Variants in RAB5B observed in about 807,000 individuals in gnomAD.
RAB5B encodes ras-related protein Rab-5B.
In RAB5B, 11 loss-of-function variants were observed where a neutral mutation model predicts 28.6. The ratio of observed to expected loss-of-function variants is 0.38; its 90% CI spans 0.24 to 0.64. RAB5B has a LOEUF of 0.64. RAB5B is among the 30% of genes least tolerant of loss of function. The pLI is 0.53. For synonymous variants in RAB5B, 93 were observed against 97.9 expected (o/e 0.95, Z 0.29); for missense variants, 169 against 265.6 (o/e 0.64, Z 2.53).
At chr12:55,984,979 ATATT>A (rs1199637036) in intron 1 of RAB5B, among the ~76,000 whole-genome samples, 7 of 152,298 alleles carry the variant, frequency 4.6e-5, no homozygotes, top group East Asian at 1.9e-4. Context: ...TAGTAGCTTA[ATATT>A]TATTTAGCAC....
In RAB5B at chr12:55,992,004, TC is replaced by T. The variant is rs1307181113; in HGVS notation, c.533-89del. On this transcript the variant is annotated intron_variant, in intron 5 of 5. Coordinates refer to ENST00000360299, the MANE Select transcript of RAB5B (RefSeq NM_002868.4). ...TTTTAATCTCTCAAATTCTCCCTTTTCCCCAATTCAGTAGCCGTTTTTGGCG... is the reference window on the plus strand; with the variant it reads ...TTTTAATCTCTCAAATTCTCCCTTTTCCCAATTCAGTAGCCGTTTTTGGCG... 10 of 847,868 alleles carry T rather than the reference TC, an allele frequency of 1.2e-5. No homozygotes were observed. The East Asian group carries it at 2.5e-4, about 21-fold the overall frequency. The allele number at this position is 847,868 out of a possible 1,614,324, so 52.5% of individuals were successfully genotyped here. A position where few individuals can be genotyped will look rare whatever the true frequency, so the allele number is the denominator to read the frequency against.
chr12:55,974,613 A>C (rs59555216), intron 1 of RAB5B, among the ~76,000 whole-genome samples: 88 of 152,296 alleles, frequency 5.8e-4, no homozygotes, highest in African/African-American at 2.1e-3. Flanking sequence ...GTTGGGTAAG[A>C]AGCGTTCTTT....
At chr12:55,991,279 C>G (rs1890110499) in intron 4 of RAB5B, 81 bp from the exon 5 acceptor site, 2 of 1,074,430 alleles carry the variant, frequency 1.9e-6, no homozygotes, top group Admixed American at 1.8e-5. Context: ...TTTTGCCTAG[C>G]TGTTGTGCTG....
chr12:55,977,840 G>A (rs1889688544), intron 1 of RAB5B, among the ~76,000 whole-genome samples: 1 of 152,216 alleles, frequency 6.6e-6, no homozygotes, highest in African/African-American at 2.4e-5. Flanking sequence ...TGTAGCTTCT[G>A]TTCAGGGACA....
intron 3 of RAB5B, 180 bp downstream of exon 3, chr12:55,990,278 C>G (rs35108074): frequency 0.073 from 45,740 of 624,374 alleles, 1,970 homozygotes; most frequent in Non-Finnish European, 0.083. Context: ...CGTGGTGGTG[C>G]GCGCCTGTAG....
intron 1 of RAB5B, among the ~76,000 whole-genome samples, chr12:55,985,335 C>T (rs189474026): frequency 5.8e-4 from 88 of 152,228 alleles, no homozygotes; most frequent in Non-Finnish European, 1.1e-3. Context: ...AATGATGTTT[C>T]CCCACATATG....
rs1015820220 is a variant in RAB5B, at chr12:55,981,028, G to A, written c.-92-5841G>A. Reference sequence around the variant, plus strand: ...ACTTGAAGAGGTGGTCGTAGGCTTTGGCCATGGCGGACACCGGGGGAGCCG... The same window carrying A: ...ACTTGAAGAGGTGGTCGTAGGCTTTAGCCATGGCGGACACCGGGGGAGCCG... On this transcript the variant is annotated intron_variant, in intron 1 of 5. Coordinates refer to ENST00000360299, the MANE Select transcript of RAB5B (RefSeq NM_002868.4). The A allele has an allele frequency of 2.0e-5, 33 of 1,613,614 alleles. 1 individual carries two copies. Among genetic ancestry groups the A allele is most frequent in the East Asian group, 1.1e-4 (5 of 44,896 alleles).
At chr12:55,985,273 A>G (rs1028885912) in intron 1 of RAB5B, among the ~76,000 whole-genome samples, 4 of 152,168 alleles carry the variant, frequency 2.6e-5, no homozygotes, top group African/African-American at 9.7e-5. Context: ...GGGGTTACTG[A>G]AAATTTTTAA....
intron 1 of RAB5B, among the ~76,000 whole-genome samples, chr12:55,984,952 A>G (rs1565787453): frequency 6.6e-6 from 1 of 152,208 alleles, no homozygotes; most frequent in Non-Finnish European, 1.5e-5. Flanking sequence ...TTCTCTTTAT[A>G]TCATATTAGT....
Position 55,976,669 on chromosome 12 carries a change from T to C in RAB5B, c.-93+2530T>C, listed in dbSNP as rs188865719. Among the ~76,000 whole-genome samples the C allele has an allele frequency of 2.6e-3, 402 of 152,306 alleles. 3 individuals are homozygous for C. Among genetic ancestry groups the C allele is most frequent in the Admixed American group, 4.5e-3 (69 of 15,304 alleles). On this transcript the variant is annotated intron_variant, in intron 1 of 5. Transcript: ENST00000360299. ...CCCCTGTATTTGTCTTTCTTTTCTTTTCTTCTATTTTTAGAGACAGGGTCT... is the reference window on the plus strand; with the variant it reads ...CCCCTGTATTTGTCTTTCTTTTCTTCTCTTCTATTTTTAGAGACAGGGTCT...
At chr12:55,978,237 C>T (rs34273234) in intron 1 of RAB5B, among the ~76,000 whole-genome samples, 11,350 of 152,224 alleles carry the variant, frequency 0.075, 470 homozygotes, top group Non-Finnish European at 0.081. Flanking sequence ...CGGTGGCATG[C>T]GCCTGTAATC....
At position 55,992,272 on chromosome 12, in the gene RAB5B, T is replaced by C; in HGVS notation, c.*60T>C. ...CACAAGAGCTAAGAAATAACCTCCA[T>C]CCCTACCCCTCAGCACACAACCCCT... is the stretch of plus-strand genomic sequence containing the variant. On this transcript the variant is annotated 3_prime_UTR_variant, in exon 6 of 6. Transcript: ENST00000360299. 9 of 1,388,682 alleles carry C rather than the reference T, an allele frequency of 6.5e-6. No homozygotes were observed. The highest frequency in any genetic ancestry group is 6.1e-6 in the Non-Finnish European group (6 of 984,772). The allele number at this position is 1,388,682 out of a possible 1,614,324, so 86.0% of individuals were successfully genotyped here.
chr12:55,992,226 A>T lies in RAB5B; in HGVS notation c.*14A>T. The T allele has an allele frequency of 6.3e-7, 1 of 1,591,110 alleles. No homozygotes were observed. Among genetic ancestry groups the T allele is most frequent in the Non-Finnish European group, 8.6e-7 (1 of 1,159,466 alleles). ...TGTAGCAACTGAGGGGGTGGCTAGC[A>T]GCAAACAAGTATGGAGCTAGCACAA... On this transcript the variant is annotated 3_prime_UTR_variant, in exon 6 of 6. Transcript: ENST00000360299.
At chr12:55,985,620 G>C in intron 1 of RAB5B, 1 of 444,642 alleles carries the variant, frequency 2.2e-6, no homozygotes, top group Non-Finnish European at 4.5e-6. Context: ...AGCCCTCTTA[G>C]AAGATAGAGG....
At chr12:55,975,594 A>G (rs986190382) in intron 1 of RAB5B, among the ~76,000 whole-genome samples, 3 of 151,236 alleles carry the variant, frequency 2.0e-5, no homozygotes, top group African/African-American at 4.9e-5. Flanking sequence ...AGCCTGGGCA[A>G]CAGAATGAGA....
chr12:55,986,648 C>T (rs1429750902), intron 1 of RAB5B, among the ~76,000 whole-genome samples: 59 of 152,106 alleles, frequency 3.9e-4, no homozygotes, highest in Non-Finnish European at 1.3e-4. Context: ...CTCTCTATTT[C>T]GGCTCCCTTG....
In RAB5B at chr12:55,992,083, C is replaced by G. The variant is rs1890144969; in HGVS notation, c.533-14C>G. On this transcript the variant is annotated splice_polypyrimidine_tract_variant and intron_variant, in intron 5 of 5. Transcript: ENST00000360299. ...AGTCTACCATACTTTGTTCTCTTCT[C>G]TTTTTATCTCTAGCTAAGAAGTTGC... 13 of 1,608,212 alleles carry G rather than the reference C, an allele frequency of 8.1e-6. No homozygotes were observed. Among genetic ancestry groups the G allele is most frequent in the Non-Finnish European group, 1.1e-5 (13 of 1,174,864 alleles).
chr12:55,980,955 G>A lies in RAB5B; in HGVS notation c.-92-5914G>A, dbSNP rs545358218. On this transcript the variant is annotated intron_variant, in intron 1 of 5. Coordinates refer to ENST00000360299, the MANE Select transcript of RAB5B (RefSeq NM_002868.4). Reference sequence around the variant, plus strand: ...TTGTTGAAGTTGTCCTCTGCAAAGCGAATGATCAGACAAGTCTTGCCCACC... The same window carrying A: ...TTGTTGAAGTTGTCCTCTGCAAAGCAAATGATCAGACAAGTCTTGCCCACC... 2.3e-4 allele frequency: 379 copies of A among 1,613,830 alleles called. 1 individual carries two copies. The highest frequency in any genetic ancestry group is 3.0e-4 in the Admixed American group (18 of 59,972).
At chr12:55,981,298 A>G (rs1889802061) in intron 1 of RAB5B, among the ~76,000 whole-genome samples, 1 of 152,154 alleles carries the variant, frequency 6.6e-6, no homozygotes, top group Non-Finnish European at 1.5e-5. Context: ...TCCTGACCTC[A>G]GGTGATCTGC....
Sources: gnomAD v4.1 joint callset for allele counts (sites outside exome capture counted in the v4.1 genomes callset) on GRCh38, gnomAD v4.1.1 for gene constraint, MANE v1.5 for transcripts, NCBI Gene and HGNC (gene_info 2026-07-23, HGNC 2026-07-21) for gene names.